The following AKAP7 variants were observed in gnomAD, a reference collection of about 807,000 sequenced individuals.
The protein encoded by AKAP7 is A kinase (PRKA) anchor protein 7.
A neutral mutation model predicts 39.5 loss-of-function variants in AKAP7; 39 were observed. That is an observed-to-expected ratio of 0.99 (90% CI 0.76 to 1.29). AKAP7 has a LOEUF of 1.29. AKAP7 is among the 50% of genes most tolerant of loss of function. The probability of loss-of-function intolerance (pLI) is 0.00; values close to 1 mark genes in which losing one functional copy is unlikely to be tolerated. For missense variants in AKAP7, 414 were observed against 407.7 expected, an observed-to-expected ratio of 1.02 and a Z score of -0.13; for synonymous variants, 140 against 139.1, an observed-to-expected ratio of 1.01 and a Z score of -0.05.
chr6:131,143,329 C>G (rs1001835142), intron 1 of AKAP7, among the ~76,000 whole-genome samples: 2 of 152,152 alleles, frequency 1.3e-5, no homozygotes, highest in Non-Finnish European at 2.9e-5. Flanking sequence ...GGGCAGATCT[C>G]TCATGAATGC....
chr6:131,242,116 A>G, intron 7 of AKAP7: 1 of 983,976 alleles, frequency 1.0e-6, no homozygotes, highest in South Asian at 4.7e-5. Context: ...AGCAACTGAG[A>G]AAACAACAGT....
chr6:131,195,681 C>G (rs1447185253), intron 5 of AKAP7, among the ~76,000 whole-genome samples: 1 of 152,124 alleles, frequency 6.6e-6, no homozygotes, highest in Non-Finnish European at 1.5e-5. Context: ...CTTTATTTCT[C>G]TTTCATGTTT....
At chr6:131,203,116 C>A (rs1807762194) in intron 6 of AKAP7, among the ~76,000 whole-genome samples, 1 of 152,148 alleles carries the variant, frequency 6.6e-6, no homozygotes, top group Non-Finnish European at 1.5e-5. Flanking sequence ...TCTTATGCAG[C>A]AAATCTACTG....
chr6:131,252,792 C>G (rs544763504), intron 7 of AKAP7, among the ~76,000 whole-genome samples: 1 of 152,078 alleles, frequency 6.6e-6, no homozygotes, highest in African/African-American at 2.4e-5. Flanking sequence ...TCGATTGTAC[C>G]GTAACCTCCT....
chr6:131,215,111 AT>A (rs200619374), intron 6 of AKAP7, among the ~76,000 whole-genome samples: 1 of 150,618 alleles, frequency 6.6e-6, no homozygotes, highest in Non-Finnish European at 1.5e-5. Context: ...AGATGGCATC[AT>A]TTTTTTTTCA....
chr6:131,264,701 G>T (rs1284133991), intron 7 of AKAP7, among the ~76,000 whole-genome samples: 5 of 152,148 alleles, frequency 3.3e-5, no homozygotes, highest in African/African-American at 1.2e-4. Context: ...ACCTGAGACT[G>T]GGTAATTTAT....
intron 5 of AKAP7, among the ~76,000 whole-genome samples, chr6:131,196,541 G>A (rs1012321395): frequency 6.6e-6 from 1 of 152,022 alleles, no homozygotes; most frequent in African/African-American, 2.4e-5. Context: ...TGGGATTACA[G>A]GCATGAGACA....
At chr6:131,172,068 C>T (rs910400670) in intron 5 of AKAP7, among the ~76,000 whole-genome samples, 2 of 151,984 alleles carry the variant, frequency 1.3e-5, no homozygotes, top group Non-Finnish European at 2.9e-5. Flanking sequence ...TGTTCGTTGA[C>T]GTCACAAAGA....
intron 7 of AKAP7, among the ~76,000 whole-genome samples, chr6:131,232,729 GTTGCA>G: frequency 6.6e-6 from 1 of 151,998 alleles, no homozygotes; most frequent in East Asian, 1.9e-4. Flanking sequence ...GGAGGCAGAG[GTTGCA>G]TGAGCTGAGA....
intron 7 of AKAP7, among the ~76,000 whole-genome samples, chr6:131,241,577 A>ATATATGTGTGTGTGTG (rs1349874555): frequency 1.2e-5 from 1 of 81,302 alleles, no homozygotes; most frequent in African/African-American, 5.3e-5. Context: ...GATTATATAT[A>ATATATGTGTGTGTGTG]TGTGTGTGTG....
Position 131,135,528 on chromosome 6 carries a change from C to CGCTGCTGCTGCGGCTGCCGCCGCCGCT in AKAP7, c.-228_-227insTGCGGCTGCCGCCGCCGCTGCTGCTGC, listed in dbSNP as rs1172763783. 1.7e-5 allele frequency: 3 copies of CGCTGCTGCTGCGGCTGCCGCCGCCGCT among 172,262 alleles called. No individual in the cohort carries two copies. The Admixed American group carries it at 2.0e-4, about 11-fold the overall frequency. The allele number at this position is 172,262 out of a possible 1,614,324, so 10.7% of individuals were successfully genotyped here. On this transcript the variant is annotated 5_prime_UTR_variant, in exon 1 of 8. Coordinates refer to ENST00000431975, the MANE Select transcript of AKAP7 (RefSeq NM_016377.4). ...CTGCGGCTGCTGCGGCTGCCGCCGC[C>CGCTGCTGCTGCGGCTGCCGCCGCCGCT]GCTGCTGCCGCTGCCGCGGGGGCTG...
intron 5 of AKAP7, 37 bp from the exon 6 acceptor site, chr6:131,199,424 G>A (rs1297501832): frequency 1.5e-6 from 2 of 1,344,784 alleles, no homozygotes; most frequent in African/African-American, 1.5e-5. Flanking sequence ...TGAAAATACT[G>A]TAGTAGCATT....
intron 7 of AKAP7, among the ~76,000 whole-genome samples, chr6:131,244,352 A>G (rs993754948): frequency 2.0e-5 from 3 of 152,166 alleles, no homozygotes; most frequent in African/African-American, 7.2e-5. Context: ...TTACCGCAAG[A>G]GCTTATGTGA....
intron 2 of AKAP7, among the ~76,000 whole-genome samples, chr6:131,158,323 C>G (rs557906346): frequency 3.9e-5 from 6 of 152,132 alleles, no homozygotes; most frequent in Non-Finnish European, 5.9e-5. Flanking sequence ...CTTCTTTTCA[C>G]AATCCTTCTT....
intron 7 of AKAP7, among the ~76,000 whole-genome samples, chr6:131,249,323 C>T (rs1373018162): frequency 6.6e-6 from 1 of 152,110 alleles, no homozygotes; most frequent in Non-Finnish European, 1.5e-5. Flanking sequence ...AAAACAGATA[C>T]TAGTGTTTGC....
intron 5 of AKAP7, chr6:131,184,445 GT>G (rs888277717): frequency 1.5e-5 from 10 of 658,348 alleles, no homozygotes; most frequent in South Asian, 2.8e-5. Context: ...AGTACATTTC[GT>G]AGCCATGATC....
chr6:131,161,499 G>T (rs1802943350), intron 3 of AKAP7, among the ~76,000 whole-genome samples: 1 of 151,368 alleles, frequency 6.6e-6, no homozygotes, highest in Non-Finnish European at 1.5e-5. Flanking sequence ...ACAAAAACTA[G>T]CTGGGCATGG....
chr6:131,239,923 T>C (rs993850262), intron 7 of AKAP7, among the ~76,000 whole-genome samples: 2 of 152,164 alleles, frequency 1.3e-5, no homozygotes, highest in African/African-American at 4.8e-5. Flanking sequence ...AGTCATTCTC[T>C]GTCCAGCTTT....
chr6:131,273,916 G>A (rs1483634929), intron 7 of AKAP7, among the ~76,000 whole-genome samples: 2 of 149,708 alleles, frequency 1.3e-5, no homozygotes, highest in Non-Finnish European at 3.0e-5. Flanking sequence ...ATATTTTTGA[G>A]TAAAGAATTC....
Sources: allele counts gnomAD v4.1 joint callset (sites outside exome capture counted in the v4.1 genomes callset), GRCh38; gene constraint gnomAD v4.1.1; transcripts MANE v1.5; gene names NCBI Gene and HGNC (gene_info 2026-07-23, HGNC 2026-07-21).